DPYD: variants seen among roughly 807,000 people sequenced by gnomAD.
DPYD encodes the protein dihydropyrimidine dehydrogenase [NADP(+)].
Under a neutral mutation model 116.2 loss-of-function variants are expected in DPYD, and 109 were observed. The ratio of observed to expected loss-of-function variants is 0.94; its 90% CI spans 0.80 to 1.10. The LOEUF is 1.10. Among genes scored for constraint, DPYD ranks in the 50% least tolerant of loss-of-function variants. The pLI is 0.00. For synonymous variants in DPYD, 440 were observed against 432.0 expected (o/e 1.02, Z -0.23); for missense variants, 1,302 against 1,254.5 (o/e 1.04, Z -0.57).
chr1:97,884,676 G>T (rs1270225627), intron 1 of DPYD, among the ~76,000 whole-genome samples: 1 of 151,924 alleles, frequency 6.6e-6, no homozygotes, highest in Non-Finnish European at 1.5e-5. Context: ...TTCTGTTTCA[G>T]ATCACTGAAA....
chr1:97,550,473 A>T (rs527260241), intron 11 of DPYD, among the ~76,000 whole-genome samples: 82 of 152,196 alleles, frequency 5.4e-4, no homozygotes, highest in Non-Finnish European at 1.1e-3. Flanking sequence ...TGTTTCTTTA[A>T]GAAAAATATC....
chr1:97,899,304 T>C (rs2101679849), intron 1 of DPYD, among the ~76,000 whole-genome samples: 1 of 151,986 alleles, frequency 6.6e-6, no homozygotes, highest in East Asian at 2.0e-4. Context: ...TGAGCTTCCC[T>C]TATTGGCAAC....
Position 97,691,678 on chromosome 1 carries a change from T to TG in DPYD, c.762+38_762+39insC, listed in dbSNP as rs765944506. 8 of 1,542,804 alleles carry TG rather than the reference T, an allele frequency of 5.2e-6. No individual in the cohort carries two copies. In the Admixed American group the frequency reaches 1.3e-4, roughly 26 times the overall value. On this transcript the variant is annotated intron_variant, in intron 7 of 22. Coordinates refer to ENST00000370192, the MANE Select transcript of DPYD (RefSeq NM_000110.4). ...CTTTAGTGTAGAGCTTACTCCTTTC[T>TG]TTTTGAGCAGTACACAGATAGGTGT...
chr1:97,808,351 A>ATTTCC (rs953199101), intron 3 of DPYD, among the ~76,000 whole-genome samples: 1 of 152,144 alleles, frequency 6.6e-6, no homozygotes, highest in African/African-American at 2.4e-5. Context: ...TTTATTAAAT[A>ATTTCC]TTTCCTTTTT....
At chr1:97,298,033 G>C (rs902321188) in intron 18 of DPYD, among the ~76,000 whole-genome samples, 1 of 152,060 alleles carries the variant, frequency 6.6e-6, no homozygotes, top group African/African-American at 2.4e-5. Context: ...TAAGAATTCT[G>C]ACTTCATTTA....
At chr1:97,493,653 C>T (rs1679095109) in intron 13 of DPYD, among the ~76,000 whole-genome samples, 1 of 152,018 alleles carries the variant, frequency 6.6e-6, no homozygotes, top group Non-Finnish European at 1.5e-5. Context: ...CAATGATTGT[C>T]AATGAATAGC....
intron 14 of DPYD, among the ~76,000 whole-genome samples, chr1:97,436,241 A>C (rs1359401526): frequency 6.6e-6 from 1 of 152,020 alleles, no homozygotes; most frequent in Non-Finnish European, 1.5e-5. Flanking sequence ...ATTACATTGG[A>C]GTTGAGATCG....
At chr1:97,625,774 T>C (rs772718018) in intron 8 of DPYD, among the ~76,000 whole-genome samples, 10 of 151,862 alleles carry the variant, frequency 6.6e-5, no homozygotes, top group African/African-American at 9.7e-5. Flanking sequence ...CCTCCAGAAC[T>C]GTGAGAAAAT....
intron 1 of DPYD, among the ~76,000 whole-genome samples, chr1:97,911,207 C>T (rs1486328886): frequency 2.0e-5 from 3 of 151,952 alleles, no homozygotes; most frequent in African/African-American, 7.2e-5. Flanking sequence ...AGTAGTCATA[C>T]CTACCATTGA....
At chr1:97,827,300 G>T (rs188126473) in intron 3 of DPYD, among the ~76,000 whole-genome samples, 7 of 151,980 alleles carry the variant, frequency 4.6e-5, no homozygotes, top group South Asian at 2.1e-4. Flanking sequence ...AATTTTATAG[G>T]CTAAATAAAT....
chr1:97,572,274 T>C (rs116772342), intron 11 of DPYD, among the ~76,000 whole-genome samples: 1,986 of 152,038 alleles, frequency 0.013, 23 homozygotes, highest in Middle Eastern at 0.024. Flanking sequence ...ATATGCTAAC[T>C]TAAATCTTTT....
intron 7 of DPYD, among the ~76,000 whole-genome samples, chr1:97,689,987 T>G (rs774328545): frequency 1.2e-4 from 19 of 152,078 alleles, no homozygotes; most frequent in Non-Finnish European, 2.4e-4. Context: ...AGGTTCCATT[T>G]TTTTTCCTCA....
intron 3 of DPYD, among the ~76,000 whole-genome samples, chr1:97,801,434 T>C (rs2101334565): frequency 6.6e-6 from 1 of 152,050 alleles, no homozygotes; most frequent in South Asian, 2.1e-4. Flanking sequence ...ATGTCACTAA[T>C]TATGGCCCTG....
chr1:97,767,506 G>A (rs1490875805), intron 3 of DPYD, among the ~76,000 whole-genome samples: 1 of 151,840 alleles, frequency 6.6e-6, no homozygotes, highest in Admixed American at 6.6e-5. Flanking sequence ...TTTCCTCTCT[G>A]GAACCCTGCC....
intron 5 of DPYD, among the ~76,000 whole-genome samples, chr1:97,712,967 A>C (rs1662377039): frequency 6.6e-6 from 1 of 152,080 alleles, no homozygotes; most frequent in African/African-American, 2.4e-5. Context: ...TCCCCAGCAG[A>C]AGTTAGCAGA....
Position 97,465,940 on chromosome 1 carries a change from T to C in DPYD, c.1741-15717A>G, listed in dbSNP as rs1677298445. 2.0e-5 allele frequency among the ~76,000 whole-genome samples: 3 copies of C among 152,084 alleles called. No homozygotes were observed. In the South Asian group the frequency reaches 6.2e-4, roughly 32 times the overall value. On this transcript the variant is annotated intron_variant, in intron 13 of 22. Transcript: ENST00000370192. ...GCCTGGACAATGTGGGGAAACCTTG[T>C]CTCTACAAAAATTAGCTGAGCATGG...
At chr1:97,386,191 A>G (rs1173103979) in intron 14 of DPYD, among the ~76,000 whole-genome samples, 1 of 152,104 alleles carries the variant, frequency 6.6e-6, no homozygotes. Flanking sequence ...TCTTGCCCAG[A>G]AAGATGAGAA....
chr1:97,124,715 T>C (rs1652702203), intron 20 of DPYD, among the ~76,000 whole-genome samples: 1 of 152,128 alleles, frequency 6.6e-6, no homozygotes, highest in Non-Finnish European at 1.5e-5. Flanking sequence ...TTTTCCTGCA[T>C]CTTTGCACAC....
At chr1:97,367,326 T>C (rs937757434) in intron 16 of DPYD, among the ~76,000 whole-genome samples, 4 of 151,904 alleles carry the variant, frequency 2.6e-5, no homozygotes, top group Admixed American at 1.3e-4. Flanking sequence ...AGTTTGAACA[T>C]AGAACAGATC....
Sources: allele counts gnomAD v4.1 joint callset (sites outside exome capture counted in the v4.1 genomes callset), GRCh38; gene constraint gnomAD v4.1.1; transcripts MANE v1.5; gene names NCBI Gene and HGNC (gene_info 2026-07-23, HGNC 2026-07-21).